The following TRIM33 variants were observed in gnomAD, a reference collection of about 807,000 sequenced individuals.
The protein encoded by TRIM33 is tripartite motif containing 33.
A neutral mutation model predicts 125.4 loss-of-function variants in TRIM33; 20 were observed. The ratio of observed to expected loss-of-function variants is 0.16; its 90% CI spans 0.11 to 0.23. The LOEUF is 0.23. TRIM33 is among the 10% of genes least tolerant of loss of function. The probability of loss-of-function intolerance (pLI) is 1.00; values close to 1 mark genes in which losing one functional copy is unlikely to be tolerated. For missense variants in TRIM33, 920 were observed against 1,411.4 expected, an observed-to-expected ratio of 0.65 and a Z score of 5.58; for synonymous variants, 564 against 513.9, an observed-to-expected ratio of 1.10 and a Z score of -1.32.
At chr1:114,466,009 C>T (rs1248644556) in intron 1 of TRIM33, among the ~76,000 whole-genome samples, 4 of 151,496 alleles carry the variant, frequency 2.6e-5, no homozygotes, top group Non-Finnish European at 4.4e-5. Context: ...CGCCACTGCA[C>T]TCCAGCTTGG....
chr1:114,428,207 A>C (rs755024768), intron 6 of TRIM33, among the ~76,000 whole-genome samples: 30 of 152,258 alleles, frequency 2.0e-4, no homozygotes, highest in Non-Finnish European at 3.4e-4. Context: ...TATTTATAGC[A>C]TAAGGAGCTA....
chr1:114,424,705 A>G lies in TRIM33; in HGVS notation c.1746T>C (p.Cys582=). 1 of 1,610,394 alleles carries G rather than the reference A, an allele frequency of 6.2e-7. No individual in the cohort carries two copies. Among genetic ancestry groups the G allele is most frequent in the Non-Finnish European group, 8.5e-7 (1 of 1,177,970 alleles). ...TCATCTGATGGGCTTGAAAAGCTCC[A>G]CAGTTCATGTTGCCTCTTTGCATTG... is the stretch of plus-strand genomic sequence containing the variant. ...VQTMQRGNMN[C]GAFQAHQMRL... is the part of the protein sequence containing the mutation. The change falls in exon 10 of 20, where the codon TGT becomes TGC. Residue 582 remains cysteine (C), a synonymous_variant. Coordinates refer to ENST00000358465, the MANE Select transcript of TRIM33 (RefSeq NM_015906.4).
Position 114,509,865 on chromosome 1 carries a change from C to T in TRIM33, c.526+686G>A, listed in dbSNP as rs76588434. 3.2e-4 allele frequency among the ~76,000 whole-genome samples: 49 copies of T among 152,320 alleles called. No individual in the cohort carries two copies. In the East Asian group the frequency reaches 3.5e-3, roughly 11 times the overall value. ...TGCCCCAACACTAGGGGCTCATTAA[C>T]GGCCAATTAGCTAAAACAAATTCAT... is the stretch of plus-strand genomic sequence containing the variant. On this transcript the variant is annotated intron_variant, in intron 1 of 19. Transcript: ENST00000358465.
At chr1:114,447,471 T>C (rs906728139) in intron 4 of TRIM33, among the ~76,000 whole-genome samples, 2 of 152,008 alleles carry the variant, frequency 1.3e-5, no homozygotes, top group Non-Finnish European at 2.9e-5. Context: ...TGATCAGTAG[T>C]TGAGTTTTGG....
chr1:114,471,060 A>T (rs747023956), intron 1 of TRIM33, among the ~76,000 whole-genome samples: 1 of 152,188 alleles, frequency 6.6e-6, no homozygotes, highest in Non-Finnish European at 1.5e-5. Context: ...AGGCCTCTCA[A>T]AGTGTTGGGA....
chr1:114,462,094 T>C (rs1299292861), intron 4 of TRIM33, among the ~76,000 whole-genome samples: 1 of 152,176 alleles, frequency 6.6e-6, no homozygotes, highest in African/African-American at 2.4e-5. Flanking sequence ...TGAGACTTTG[T>C]ACAGATTACT....
At chr1:114,450,479 G>A (rs752410383) in intron 4 of TRIM33, among the ~76,000 whole-genome samples, 8 of 152,102 alleles carry the variant, frequency 5.3e-5, no homozygotes, top group African/African-American at 1.2e-4. Context: ...CTACAAGCAT[G>A]CACCACCACA....
At chr1:114,464,819 C>T (rs1650190188) in intron 1 of TRIM33, among the ~76,000 whole-genome samples, 1 of 152,034 alleles carries the variant, frequency 6.6e-6, no homozygotes, top group Non-Finnish European at 1.5e-5. Flanking sequence ...GAGTGGAAGG[C>T]AATTATAATA....
chr1:114,488,939 G>T (rs1651884602), intron 1 of TRIM33, among the ~76,000 whole-genome samples: 1 of 152,174 alleles, frequency 6.6e-6, no homozygotes, highest in Non-Finnish European at 1.5e-5. Context: ...TGTAGTCTCA[G>T]CTGGGGAAGG....
At chr1:114,449,380 T>G (rs1341229864) in intron 4 of TRIM33, among the ~76,000 whole-genome samples, 1 of 152,130 alleles carries the variant, frequency 6.6e-6, no homozygotes, top group Non-Finnish European at 1.5e-5. Flanking sequence ...ATCAGGCACA[T>G]GTAGAGCCTA....
chr1:114,434,489 C>T (rs563090281), intron 4 of TRIM33, among the ~76,000 whole-genome samples: 1 of 152,290 alleles, frequency 6.6e-6, no homozygotes, highest in South Asian at 2.1e-4. Context: ...ACCAGTTTTA[C>T]TTTGTCAGCA....
intron 1 of TRIM33, among the ~76,000 whole-genome samples, chr1:114,469,749 G>T (rs544807087): frequency 1.3e-3 from 194 of 152,318 alleles, no homozygotes; most frequent in Non-Finnish European, 2.4e-3. Flanking sequence ...GGGAACTGAA[G>T]ATGTGAAATG....
intron 11 of TRIM33, among the ~76,000 whole-genome samples, chr1:114,420,997 A>AT (rs1375226818): frequency 2.0e-5 from 3 of 152,118 alleles, no homozygotes; most frequent in Non-Finnish European, 4.4e-5. Flanking sequence ...GGATGAATGG[A>AT]TTTTTTTTAA....
At chr1:114,475,121 A>C (rs1008074664) in intron 1 of TRIM33, among the ~76,000 whole-genome samples, 1 of 152,174 alleles carries the variant, frequency 6.6e-6, no homozygotes, top group Non-Finnish European at 1.5e-5. Context: ...CATGAAGATG[A>C]ACAAAATATG....
Position 114,398,066 on chromosome 1 carries a change from T to C in TRIM33, c.3121-76A>G, listed in dbSNP as rs1311414664. The C allele has an allele frequency of 4.6e-6, 7 of 1,518,146 alleles. No homozygotes were observed. The African/African-American group carries it at 7.0e-5, about 15-fold the overall frequency. 94.0% of individuals were successfully genotyped at this position (1,518,146 alleles called of 1,614,324 possible). A position where few individuals can be genotyped will look rare whatever the true frequency, so the allele number is the denominator to read the frequency against. Reference sequence around the variant, plus strand: ...CTAAAGTTATGAGACTGCATAGGATTGGCGACGAAAAGTCAGCCATACTAG... The same window carrying C: ...CTAAAGTTATGAGACTGCATAGGATCGGCGACGAAAAGTCAGCCATACTAG... On this transcript the variant is annotated intron_variant, in intron 18 of 19. Coordinates refer to ENST00000358465, the MANE Select transcript of TRIM33 (RefSeq NM_015906.4).
chr1:114,470,850 G>A (rs745463540), intron 1 of TRIM33, among the ~76,000 whole-genome samples: 1 of 152,340 alleles, frequency 6.6e-6, no homozygotes, highest in Non-Finnish European at 1.5e-5. Context: ...GCCCAGGCTG[G>A]AGTGCAATGG....
At chr1:114,440,160 G>T (rs956180962) in intron 4 of TRIM33, among the ~76,000 whole-genome samples, 2 of 151,798 alleles carry the variant, frequency 1.3e-5, no homozygotes, top group South Asian at 2.1e-4. Flanking sequence ...GGAAGAGGAG[G>T]GGGGAGACCC....
At chr1:114,485,066 A>G (rs78858330) in intron 1 of TRIM33, among the ~76,000 whole-genome samples, 1 of 151,860 alleles carries the variant, frequency 6.6e-6, no homozygotes, top group South Asian at 2.1e-4. Context: ...AAAAAAAAAA[A>G]GTACGTGTTT....
intron 4 of TRIM33, among the ~76,000 whole-genome samples, chr1:114,452,333 G>A (rs545195278): frequency 2.0e-5 from 3 of 152,090 alleles, no homozygotes; most frequent in Non-Finnish European, 1.5e-5. Flanking sequence ...GGTGGTGTGC[G>A]CCTGTAGTCC....
Sources: gnomAD v4.1 joint callset for allele counts (sites outside exome capture counted in the v4.1 genomes callset) on GRCh38, gnomAD v4.1.1 for gene constraint, MANE v1.5 for transcripts, NCBI Gene and HGNC (gene_info 2026-07-23, HGNC 2026-07-21) for gene names.